Variants in SMG5 observed in about 807,000 individuals in gnomAD.
The protein encoded by SMG5 is SMG5 nonsense mediated mRNA decay factor.
Under a neutral mutation model 122.9 loss-of-function variants are expected in SMG5, and 53 were observed. That is an observed-to-expected ratio of 0.43 (90% CI 0.35 to 0.54). SMG5 has a LOEUF of 0.54. Among genes scored for constraint, SMG5 ranks in the 20% least tolerant of loss-of-function variants. SMG5 has a pLI of 0.01. For missense variants in SMG5, 1,153 were observed against 1,285.6 expected (o/e 0.90, Z 1.58); for synonymous variants, 477 against 490.2 (o/e 0.97, Z 0.35).
intron 1 of SMG5, among the ~76,000 whole-genome samples, chr1:156,281,977 C>A (rs1411458653): frequency 6.6e-6 from 1 of 152,218 alleles, no homozygotes; most frequent in East Asian, 1.9e-4. Flanking sequence ...CTCAGGAGTC[C>A]CCAGGTGCCC....
At chr1:156,285,312 A>G (rs369658490), upstream of SMG5, 3 of 1,575,786 alleles carry the variant, frequency 1.9e-6, no homozygotes, top group Admixed American at 1.9e-5. Context: ...TTGGTTCCCA[A>G]TGGCCGGCAG....
chr1:156,286,460 T>C (rs765459559), upstream of SMG5: 1 of 1,614,130 alleles, frequency 6.2e-7, no homozygotes, highest in South Asian at 1.1e-5. Context: ...CACTGGTCTC[T>C]TTGCCGTCTC....
intron 2 of SMG5, among the ~76,000 whole-genome samples, 166 bp from the exon 3 acceptor site, chr1:156,278,214 C>T (rs1231894282): frequency 6.6e-6 from 1 of 152,124 alleles, no homozygotes; most frequent in African/African-American, 2.4e-5. Context: ...CCTAGGAAGG[C>T]AGTGGGAGCC....
rs200968265 is a variant in SMG5 at position 156,282,670 on chromosome 1, C to A, written c.11G>T (p.Gly4Val). The A allele has an allele frequency of 2.5e-5, 40 of 1,604,852 alleles. No homozygotes were observed. The East Asian group carries it at 4.9e-4, about 20-fold the overall frequency. MSQ[G>V]PPTGESSEPE... ...CTCGCTGCTCTCCCCTGTGGGGGGG[C>A]CTTGGCTCATGGTGCCCGGGTCCGG... The change falls in exon 1 of 22, where the codon GGC (glycine) becomes GTC (valine). Residue 4 changes from glycine (G) to valine (V), a missense_variant. Gly to Val is a moderately radical substitution (Grantham distance 109). Coordinates refer to ENST00000361813, the MANE Select transcript of SMG5 (RefSeq NM_015327.3).
At position 156,260,571 on chromosome 1, in the gene SMG5, G is replaced by A. The variant is rs774761500; in HGVS notation, c.2163C>T (p.Asp721=). Residue 721 remains aspartate, a synonymous_variant, in exon 15 of 22, where the codon GAC becomes GAT. Transcript: ENST00000361813. ...CTGGGAGCAGAAGGCTAGAGGGGAG[G>A]TCAGGCAGTTCACAACCTTCAAGAA... ...QDLLEGCELP[D]LPSSLLLPED... The A allele has an allele frequency of 1.3e-6, 2 of 1,543,656 alleles. No homozygotes were observed. The highest frequency in any genetic ancestry group is 1.7e-6 in the Non-Finnish European group (2 of 1,151,798).
rs1416615539 is a variant in SMG5 at position 156,279,414 on chromosome 1, G to C, written c.75-380C>G. Among the ~76,000 whole-genome samples the C allele has an allele frequency of 2.0e-5, 3 of 152,180 alleles. No individual in the cohort carries two copies. The East Asian group carries it at 5.8e-4, about 29-fold the overall frequency. On this transcript the variant is annotated intron_variant, in intron 1 of 21. Coordinates refer to ENST00000361813, the MANE Select transcript of SMG5 (RefSeq NM_015327.3). ...AACAGTGTCAAAGTAGAGAAACTGT[G>C]ATATGGTAAGGCCGACTCTCCCAAT...
Position 156,273,307 on chromosome 1 carries a change from T to A in SMG5, c.634+54A>T. 5 of 1,465,444 alleles carry A rather than the reference T, an allele frequency of 3.4e-6. No individual in the cohort carries two copies. The East Asian group carries it at 9.1e-5, about 27-fold the overall frequency. 90.8% of individuals were successfully genotyped at this position (1,465,444 alleles called of 1,614,324 possible). A position where few individuals can be genotyped will look rare whatever the true frequency, so the allele number is the denominator to read the frequency against. On this transcript the variant is annotated intron_variant, in intron 6 of 21. Transcript: ENST00000361813. Reference sequence around the variant, plus strand: ...ACTGCCTGCCATCTCAACAACATCGTCTTCCCTAGGAAAACCCTACTGGAT... The same window carrying A: ...ACTGCCTGCCATCTCAACAACATCGACTTCCCTAGGAAAACCCTACTGGAT...
At chr1:156,289,739 C>T in the SMG5 span, among the ~76,000 whole-genome samples, 1 of 152,214 alleles carries the variant, frequency 6.6e-6, no homozygotes, top group East Asian at 1.9e-4. Context: ...AATAGAGGCA[C>T]ATGAATCATG....
rs113233184 is a variant in SMG5 at position 156,272,323 on chromosome 1, C to T, written c.710G>A (p.Arg237His). The T allele has an allele frequency of 2.5e-6, 4 of 1,592,798 alleles. No homozygotes were observed. The highest frequency in any genetic ancestry group is 2.6e-6 in the Non-Finnish European group (3 of 1,167,306). The change falls in exon 7 of 22, where the codon CGC becomes CAC. Residue 237 changes from arginine (R) to histidine (H), a missense_variant. By Grantham distance (29) the Arg-to-His change is conservative. Transcript: ENST00000361813. ...YNVEAMYCYL[R>H]CIQSEVSFEG... ...AAAAGAGCTGGCAAATACTCACCAG[C>T]GCAGGTAGCAATACATGGCTTCCAC... is the stretch of plus-strand genomic sequence containing the variant.
chr1:156,256,247 CAATGTAAACAAATGAAAG>C (rs1338109009), intron 16 of SMG5, among the ~76,000 whole-genome samples: 2 of 149,708 alleles, frequency 1.3e-5, no homozygotes, highest in Non-Finnish European at 3.0e-5. Context: ...CCTTGAGAAA[CAATGTAAACAAATGAAAG>C]AATGGAAGCA....
chr1:156,279,105 A>G, intron 1 of SMG5, 71 bp from the exon 2 acceptor site: 2 of 1,295,652 alleles, frequency 1.5e-6, no homozygotes, highest in Admixed American at 3.5e-5. Context: ...CTGGGACACG[A>G]TTCTAGAGGA....
At chr1:156,282,014 G>A (rs1662972945) in intron 1 of SMG5, among the ~76,000 whole-genome samples, 1 of 152,150 alleles carries the variant, frequency 6.6e-6, no homozygotes, top group Non-Finnish European at 1.5e-5. Flanking sequence ...TCCCAAGAAC[G>A]CTCTGGACAC....
chr1:156,282,858 GC>G (rs1663034125), upstream of SMG5: 1 of 630,854 alleles, frequency 1.6e-6, no homozygotes, highest in East Asian at 3.0e-5. Context: ...TCTCGCGATG[GC>G]AGCCGCACAG....
At chr1:156,286,273 C>T (rs6663955), upstream of SMG5, 581 of 1,614,140 alleles carry the variant, frequency 3.6e-4, 2 homozygotes, top group African/African-American at 7.0e-3. Context: ...TCCTGGTGTA[C>T]GGGCTGAGCC....
At chr1:156,260,690 ACCCTTC>A in intron 14 of SMG5, 64 bp from the exon 15 acceptor site, 1 of 1,391,010 alleles carries the variant, frequency 7.2e-7, no homozygotes, top group South Asian at 1.7e-5. Context: ...GAGAGACATA[ACCCTTC>A]CCTTTGGGAA....
In SMG5 at chr1:156,249,747, AC is replaced by A. The variant is rs919927088; in HGVS notation, c.*839del. ...AAGGGGGGTGGTGGCCTCAGACTGC[AC>A]CCCCTTTCTTCTCTTCCTGGCATCC... On this transcript the variant is annotated 3_prime_UTR_variant, in exon 22 of 22. Transcript: ENST00000361813. 2.1e-5 allele frequency: 10 copies of A among 469,784 alleles called. No homozygotes were observed. The highest frequency in any genetic ancestry group is 4.0e-4 in the Middle Eastern group (1 of 2,528). The allele number at this position is 469,784 out of a possible 1,614,324, so 29.1% of individuals were successfully genotyped here. A position where few individuals can be genotyped will look rare whatever the true frequency, so the allele number is the denominator to read the frequency against.
chr1:156,251,776 G>C (rs1661367398), intron 19 of SMG5, among the ~76,000 whole-genome samples: 1 of 152,208 alleles, frequency 6.6e-6, no homozygotes, highest in Non-Finnish European at 1.5e-5. Context: ...ATCAGACCTT[G>C]TGCAGCTTCC....
chr1:156,282,569 T>G lies in SMG5; in HGVS notation c.74+38A>C, dbSNP rs947579364. On this transcript the variant is annotated intron_variant, in intron 1 of 21. Transcript: ENST00000361813. Reference sequence around the variant, plus strand: ...CCCCGCCCCTCGCCGTCTCCCCACTTCCCTCGGTGGCTGCTCTCACGCCCT... The same window carrying G: ...CCCCGCCCCTCGCCGTCTCCCCACTGCCCTCGGTGGCTGCTCTCACGCCCT... 3 of 1,582,152 alleles carry G rather than the reference T, an allele frequency of 1.9e-6. No homozygotes were observed. The African/African-American group carries it at 4.0e-5, about 21-fold the overall frequency.
chr1:156,287,761 C>T (rs901540990), upstream of SMG5, among the ~76,000 whole-genome samples: 14 of 151,824 alleles, frequency 9.2e-5, no homozygotes, highest in East Asian at 2.0e-4. Flanking sequence ...GGATTACAGG[C>T]GCCCACCACC....
Sources: allele counts gnomAD v4.1 joint callset (sites outside exome capture counted in the v4.1 genomes callset), GRCh38; gene constraint gnomAD v4.1.1; transcripts MANE v1.5; gene names NCBI Gene and HGNC (gene_info 2026-07-23, HGNC 2026-07-21).